The following CFAP157 variants were observed in gnomAD, a reference collection of about 807,000 sequenced individuals.
CFAP157 encodes the protein cilia- and flagella-associated protein 157.
CFAP157 carries 43 observed loss-of-function variants against 57.8 expected under a neutral mutation model. That is an observed-to-expected ratio of 0.74 (90% CI 0.58 to 0.96). The LOEUF is 0.96. CFAP157 is among the 40% of genes least tolerant of loss of function. The pLI is 0.00. For missense variants in CFAP157, 606 were observed against 655.3 expected (o/e 0.92, Z 0.82); for synonymous variants, 267 against 269.0 (o/e 0.99, Z 0.07).
Position 127,707,238 on chromosome 9 carries a change from C to A in CFAP157, c.161+46C>A, listed in dbSNP as rs1588387466. 5 of 1,590,748 alleles carry A rather than the reference C, an allele frequency of 3.1e-6. No individual in the cohort carries two copies. The East Asian group carries it at 1.1e-4, about 36-fold the overall frequency. On this transcript the variant is annotated intron_variant, in intron 1 of 8. Coordinates refer to ENST00000373295, the MANE Select transcript of CFAP157 (RefSeq NM_001012502.3). ...GAGTCTGGTGCCCTGGGTCAGAAGC[C>A]CATGCCCAGGTGGCCCCCATGCAGG...
intron 4 of CFAP157, 136 bp from the exon 5 acceptor site, chr9:127,711,684 C>T: frequency 8.4e-7 from 1 of 1,190,406 alleles, no homozygotes; most frequent in East Asian, 2.6e-5. Flanking sequence ...TTAAAGCCCC[C>T]ATAACTTATG....
chr9:127,714,393 A>C lies in CFAP157; in HGVS notation c.*488A>C. 1 of 1,614,240 alleles carries C rather than the reference A, an allele frequency of 6.2e-7. No homozygotes were observed. Among genetic ancestry groups the C allele is most frequent in the Non-Finnish European group, 8.5e-7 (1 of 1,180,038 alleles). On this transcript the variant is annotated 3_prime_UTR_variant, in exon 9 of 9. Coordinates refer to ENST00000373295, the MANE Select transcript of CFAP157 (RefSeq NM_001012502.3). ...GGTAGACTCACATTGGAGTTGAGGC[A>C]GCTAATGCAGGAACGGACTCCATTG...
intron 1 of CFAP157, among the ~76,000 whole-genome samples, chr9:127,707,521 G>A (rs1169099708): frequency 6.6e-6 from 1 of 152,052 alleles, no homozygotes; most frequent in East Asian, 1.9e-4. Flanking sequence ...GGTGGAAACA[G>A]CCCTCTGGCA....
chr9:127,711,370 G>A lies in CFAP157; in HGVS notation c.729G>A (p.Gln243=), dbSNP rs758149199. The A allele has an allele frequency of 1.2e-6, 2 of 1,614,210 alleles. No individual in the cohort carries two copies. The change falls in exon 4 of 9, where the codon CAG becomes CAA. Residue 243 remains glutamine, a synonymous_variant. Coordinates refer to ENST00000373295, the MANE Select transcript of CFAP157 (RefSeq NM_001012502.3). ...CCCTGCAGATGGCCAGGGTCTCCCAGCAAGGCATGAAGCTGCTGCAGGAGA... is the reference window on the plus strand; with the variant it reads ...CCCTGCAGATGGCCAGGGTCTCCCAACAAGGCATGAAGCTGCTGCAGGAGA... ...GITLQMARVS[Q]QGMKLLQENE...
chr9:127,711,861 G>A lies in CFAP157; in HGVS notation c.897G>A (p.Gln299=). Residue 299 remains glutamine (Q), a synonymous_variant, in exon 5 of 9, where the codon CAG becomes CAA. Coordinates refer to ENST00000373295, the MANE Select transcript of CFAP157 (RefSeq NM_001012502.3). ...CTAAGAAGTGCCAGGAGCAGCAGCA[G>A]GACACCAAGGAGGCCGAGGAGCTGC... ...MLTKKCQEQQ[Q]DTKEAEELRL... is the part of the protein sequence containing the mutation. 1 of 1,582,654 alleles carries A rather than the reference G, an allele frequency of 6.3e-7. No individual in the cohort carries two copies. The highest frequency in any genetic ancestry group is 8.6e-7 in the Non-Finnish European group (1 of 1,165,230).
rs1842723824 is a variant in CFAP157 at position 127,709,807 on chromosome 9, T to A, written c.433+114T>A. 8.5e-7 allele frequency: 1 copy of A among 1,177,958 alleles called. No homozygotes were observed. The highest frequency in any genetic ancestry group is 1.2e-6 in the Non-Finnish European group (1 of 842,956). 73.0% of individuals were successfully genotyped at this position (1,177,958 alleles called of 1,614,324 possible). A position where few individuals can be genotyped will look rare whatever the true frequency, so the allele number is the denominator to read the frequency against. ...GCCACATGCTGCTTGGCACACACTG[T>A]CTTCCTTAATTGTCCCAGCAATCCT... is the stretch of plus-strand genomic sequence containing the variant. On this transcript the variant is annotated intron_variant, in intron 2 of 8. Coordinates refer to ENST00000373295, the MANE Select transcript of CFAP157 (RefSeq NM_001012502.3). This position sits in a 1 kb window ranked among gnomAD's most constrained non-coding sequence, Gnocchi z 4.7.
At chr9:127,710,850 TAGATGGGGA>T (rs1842750054) in intron 3 of CFAP157, 96 bp downstream of exon 3, 1 of 1,396,644 alleles carries the variant, frequency 7.2e-7, no homozygotes, top group Admixed American at 2.2e-5. Context: ...ACTGGGGGGT[TAGATGGGGA>T]AACTGACCGC....
chr9:127,712,580 C>A (rs1564367019), intron 6 of CFAP157, 129 bp from the exon 7 acceptor site: 2 of 1,566,012 alleles, frequency 1.3e-6, no homozygotes, highest in African/African-American at 1.4e-5. Flanking sequence ...GTCTTCCCGA[C>A]TGAAGAATGG....
In CFAP157 at chr9:127,709,659, C is replaced by G. The variant is rs756501202; in HGVS notation, c.399C>G (p.Thr133=). The change falls in exon 2 of 9, where the codon ACC becomes ACG. Residue 133 remains threonine, a synonymous_variant. Transcript: ENST00000373295. The surrounding 1 kb of genome is among the most constrained non-coding windows in gnomAD (Gnocchi z 4.7). The stretch of plus-strand genomic sequence containing the variant: ...AGGTGCGCCACGAGTTCCAGGAGAC[C>G]AAGGACCAGCTCACCACGGAGAACA... ...LAQVRHEFQE[T]KDQLTTENII... is the part of the protein sequence containing the mutation. 6.2e-7 allele frequency: 1 copy of G among 1,613,688 alleles called. No individual in the cohort carries two copies.
chr9:127,707,231 C>T (rs753888869), intron 1 of CFAP157, 39 bp downstream of exon 1: 1 of 1,596,410 alleles, frequency 6.3e-7, no homozygotes, highest in East Asian at 2.2e-5. Flanking sequence ...TGCCCTGGGT[C>T]AGAAGCCCAT....
At position 127,707,146 on chromosome 9, in the gene CFAP157, G is replaced by A. The variant is rs1179330956; in HGVS notation, c.115G>A (p.Glu39Lys). Reference protein sequence around the residue: ...VEPPLAKEMKEFYHIQIRDLE... With the variant: ...VEPPLAKEMKKFYHIQIRDLE... The stretch of plus-strand genomic sequence containing the variant: ...GCCGCCTCTGGCCAAGGAGATGAAG[G>A]AGTTCTACCACATCCAGATCCGAGA... The change falls in exon 1 of 9, where the codon GAG (glutamate) becomes AAG (lysine). Residue 39 changes from glutamate to lysine, a missense_variant. Coordinates refer to ENST00000373295, the MANE Select transcript of CFAP157 (RefSeq NM_001012502.3). The A allele has an allele frequency of 6.2e-7, 1 of 1,613,030 alleles. No individual in the cohort carries two copies. The highest frequency in any genetic ancestry group is 1.7e-5 in the Admixed American group (1 of 60,006).
At chr9:127,710,520 T>A in intron 2 of CFAP157, 81 bp from the exon 3 acceptor site, 2 of 1,509,040 alleles carry the variant, frequency 1.3e-6, no homozygotes, top group Non-Finnish European at 1.8e-6. Flanking sequence ...GACAGGGACC[T>A]AAGGGGCATC....
At chr9:127,712,142 G>C in intron 5 of CFAP157, 57 bp from the exon 6 acceptor site, 1 of 1,596,912 alleles carries the variant, frequency 6.3e-7, no homozygotes, top group Non-Finnish European at 8.5e-7. Context: ...CTGGCCCCAG[G>C]TGGCCCCAGT....
At position 127,714,604 on chromosome 9, in the gene CFAP157, T is replaced by C. The variant is rs1016107851; in HGVS notation, c.*699T>C. 9 of 1,613,558 alleles carry C rather than the reference T, an allele frequency of 5.6e-6. No individual in the cohort carries two copies. In the East Asian group the frequency reaches 1.6e-4, roughly 28 times the overall value. On this transcript the variant is annotated 3_prime_UTR_variant, in exon 9 of 9. Coordinates refer to ENST00000373295, the MANE Select transcript of CFAP157 (RefSeq NM_001012502.3). ...ACCCTGACCATCTCAGGACCTCACC[T>C]GGCACTGCCCCCCAGCTTCAGAGCC...
chr9:127,715,516 C>A lies in CFAP157; in HGVS notation c.*1611C>A, dbSNP rs765858924. 6.2e-7 allele frequency: 1 copy of A among 1,613,060 alleles called. No homozygotes were observed. The highest frequency in any genetic ancestry group is 2.2e-5 in the East Asian group (1 of 44,874). ...CGAACTGAAGCTAGGGACCGGGAGC[C>A]CCTACGTCGCCGCCCCACGCCACTC... On this transcript the variant is annotated 3_prime_UTR_variant, in exon 9 of 9. Coordinates refer to ENST00000373295, the MANE Select transcript of CFAP157 (RefSeq NM_001012502.3). This position sits in a 1 kb window ranked among gnomAD's most constrained non-coding sequence, Gnocchi z 5.8.
Position 127,711,285 on chromosome 9 carries a change from T to TG in CFAP157, c.645dup (p.Thr216AspfsTer38). On this transcript the variant is annotated frameshift_variant, in exon 4 of 9. Coordinates refer to ENST00000373295, the MANE Select transcript of CFAP157 (RefSeq NM_001012502.3). LOFTEE classifies it high-confidence loss of function. ...CTCGTGGCCAATGAGTTCCACAAGG[T>TG]GACCACGAACCGGATGTGGGAGACA... The TG allele has an allele frequency of 6.2e-7, 1 of 1,614,056 alleles. No individual in the cohort carries two copies. The highest frequency in any genetic ancestry group is 1.6e-4 in the Middle Eastern group (1 of 6,062).
At position 127,714,434 on chromosome 9, in the gene CFAP157, A is replaced by T. The variant is rs747631880; in HGVS notation, c.*529A>T. The stretch of plus-strand genomic sequence containing the variant: ...GACTCCATTGTGGCCCCTTCAAGGG[A>T]TATGGGAGGGGCAGTTAGTGCCTCC... On this transcript the variant is annotated 3_prime_UTR_variant, in exon 9 of 9. Coordinates refer to ENST00000373295, the MANE Select transcript of CFAP157 (RefSeq NM_001012502.3). The T allele has an allele frequency of 3.1e-6, 5 of 1,613,936 alleles. No homozygotes were observed. The highest frequency in any genetic ancestry group is 1.6e-4 in the Middle Eastern group (1 of 6,084).
Position 127,713,953 on chromosome 9 carries a change from G to A in CFAP157, c.*48G>A. 1 of 1,590,852 alleles carries A rather than the reference G, an allele frequency of 6.3e-7. No homozygotes were observed. The highest frequency in any genetic ancestry group is 1.1e-5 in the South Asian group (1 of 90,578). ...CCAGAAATGGACTGGTCCAGTCACA[G>A]TCACCCCCACTTTAATCCGCAGGCA... On this transcript the variant is annotated 3_prime_UTR_variant, in exon 9 of 9. Coordinates refer to ENST00000373295, the MANE Select transcript of CFAP157 (RefSeq NM_001012502.3).
At chr9:127,707,282 G>A in intron 1 of CFAP157, 90 bp downstream of exon 1, 1 of 1,443,740 alleles carries the variant, frequency 6.9e-7, no homozygotes, top group East Asian at 2.3e-5. Flanking sequence ...TGGGGCCTTA[G>A]GCCTGTGTTC....
Sources: allele counts gnomAD v4.1 joint callset (sites outside exome capture counted in the v4.1 genomes callset), GRCh38; gene constraint gnomAD v4.1.1; non-coding constraint Gnocchi (gnomAD v3.1); transcripts MANE v1.5; gene names NCBI Gene and HGNC (gene_info 2026-07-23, HGNC 2026-07-21).